The following ACOXL variants were observed in gnomAD, a reference collection of about 807,000 sequenced individuals.
ACOXL encodes the protein acyl-CoA oxidase like.
A neutral mutation model predicts 71.9 loss-of-function variants in ACOXL; 70 were observed. The observed-to-expected ratio is 0.97, with a 90% CI of 0.80 to 1.19. The LOEUF is 1.19. Ranked by LOEUF, ACOXL falls within the 50% of genes most tolerant of loss-of-function variation. The pLI, the probability that ACOXL is intolerant of heterozygous loss-of-function variation, is 0.00. For missense variants in ACOXL, 703 were observed against 736.3 expected (o/e 0.95, Z 0.52); for synonymous variants, 253 against 281.6 (o/e 0.90, Z 1.02).
intron 12 of ACOXL, among the ~76,000 whole-genome samples, chr2:110,936,735 C>T (rs2060677950): frequency 6.6e-6 from 1 of 152,292 alleles, no homozygotes; most frequent in East Asian, 1.9e-4. Context: ...GGCTGAGGTC[C>T]AGAAGGGTTC....
intron 12 of ACOXL, among the ~76,000 whole-genome samples, chr2:110,935,676 G>A (rs752807914): frequency 5.3e-5 from 8 of 152,210 alleles, no homozygotes; most frequent in Non-Finnish European, 7.3e-5. Context: ...GGCCCTAAAA[G>A]GCAAATGCTG....
intron 5 of ACOXL, among the ~76,000 whole-genome samples, chr2:110,798,053 A>G (rs58796451): frequency 0.014 from 2,206 of 152,300 alleles, 64 homozygotes; most frequent in African/African-American, 0.051. Context: ...TTTCTGGATC[A>G]GATTATTCCT....
At chr2:110,998,337 C>T (rs182225692) in intron 14 of ACOXL, among the ~76,000 whole-genome samples, 1 of 152,272 alleles carries the variant, frequency 6.6e-6, no homozygotes, top group African/African-American at 2.4e-5. Flanking sequence ...ATCACTGCAG[C>T]AGACAAAGCA....
intron 17 of ACOXL, among the ~76,000 whole-genome samples, chr2:111,109,287 T>C (rs1428547216): frequency 6.6e-6 from 1 of 152,250 alleles, no homozygotes; most frequent in African/African-American, 2.4e-5. Context: ...TTGTCAGGAA[T>C]ATTTTTGTGG....
intron 12 of ACOXL, among the ~76,000 whole-genome samples, chr2:110,971,316 G>A (rs888754993): frequency 3.9e-5 from 6 of 152,166 alleles, no homozygotes; most frequent in Admixed American, 6.5e-5. Context: ...TTAATAACAC[G>A]AAAATTGAAT....
intron 1 of ACOXL, among the ~76,000 whole-genome samples, chr2:110,762,083 T>C (rs1441065716): frequency 6.6e-6 from 1 of 152,188 alleles, no homozygotes; most frequent in Non-Finnish European, 1.5e-5. Flanking sequence ...CCTTTTATAA[T>C]TATAATATCT....
rs980390379 is a variant in ACOXL at position 111,044,541 on chromosome 2, C to T, written c.1370-4677C>T. On this transcript the variant is annotated intron_variant, in intron 15 of 17. Transcript: ENST00000439055. ...AACATTCTGAGACGGGATTTCTGAG[C>T]ACTGAAGCCCCAGGTGCAGGTTATA... Among the ~76,000 whole-genome samples, 4 of 152,194 alleles carry T rather than the reference C, an allele frequency of 2.6e-5. 1 individual carries two copies. The highest frequency in any genetic ancestry group is 1.3e-4 in the Admixed American group (2 of 15,278).
rs565793388 is a variant in ACOXL, at chr2:110,919,836, T to C, written c.905+10931T>C. Among the ~76,000 whole-genome samples, 150 of 152,326 alleles carry C rather than the reference T, an allele frequency of 9.8e-4. 1 individual carries two copies. Among genetic ancestry groups the C allele is most frequent in the African/African-American group, 3.5e-3 (147 of 41,562 alleles). On this transcript the variant is annotated intron_variant, in intron 11 of 17. Coordinates refer to ENST00000439055, the MANE Select transcript of ACOXL (RefSeq NM_001142807.4). The stretch of plus-strand genomic sequence containing the variant: ...ATGTAGTCTTTTGGATATACCTTCT[T>C]TCACTTAACAAAATGAATTTCAGAT...
At chr2:111,064,405 C>A (rs1177683198) in intron 16 of ACOXL, among the ~76,000 whole-genome samples, 2 of 133,278 alleles carry the variant, frequency 1.5e-5, no homozygotes, top group Admixed American at 8.8e-5. Flanking sequence ...CACTGCAGCC[C>A]GGACTGGGCG....
intron 11 of ACOXL, among the ~76,000 whole-genome samples, chr2:110,924,069 G>A (rs1281473774): frequency 6.6e-6 from 1 of 152,128 alleles, no homozygotes; most frequent in Non-Finnish European, 1.5e-5. Context: ...TTGTTTCCCA[G>A]TGTGTATAAA....
intron 1 of ACOXL, among the ~76,000 whole-genome samples, chr2:110,764,844 TC>T (rs1187325681): frequency 2.0e-5 from 3 of 152,212 alleles, no homozygotes; most frequent in Admixed American, 6.5e-5. Context: ...TAATAAGTAA[TC>T]TAGTCTACTA....
At chr2:110,909,053 A>G in intron 11 of ACOXL, 148 bp downstream of exon 11, 1 of 581,580 alleles carries the variant, frequency 1.7e-6, no homozygotes, top group East Asian at 3.1e-5. Flanking sequence ...GGTTAAAAGC[A>G]TCCTTGGATG....
chr2:110,761,986 AT>A (rs1297986541), intron 1 of ACOXL, among the ~76,000 whole-genome samples: 3 of 151,944 alleles, frequency 2.0e-5, no homozygotes, highest in Non-Finnish European at 4.4e-5. Flanking sequence ...ACATCTTGTG[AT>A]TTATCAGTTT....
chr2:110,950,331 G>A (rs2061280540), intron 12 of ACOXL, among the ~76,000 whole-genome samples: 1 of 152,278 alleles, frequency 6.6e-6, no homozygotes, highest in South Asian at 2.1e-4. Context: ...AAAGTAGCCA[G>A]CAGTAAAACT....
At chr2:110,937,618 A>G (rs569998234) in intron 12 of ACOXL, among the ~76,000 whole-genome samples, 1 of 152,344 alleles carries the variant, frequency 6.6e-6, no homozygotes, top group South Asian at 2.1e-4. Flanking sequence ...GCTCATATGC[A>G]TACATGCTGC....
intron 12 of ACOXL, among the ~76,000 whole-genome samples, chr2:110,982,976 T>G (rs775402225): frequency 4.6e-5 from 7 of 152,178 alleles, no homozygotes; most frequent in Non-Finnish European, 7.3e-5. Flanking sequence ...GGCCCCAAAT[T>G]ATGTAGCCAG....
intron 8 of ACOXL, among the ~76,000 whole-genome samples, chr2:110,804,906 G>A (rs944610019): frequency 3.9e-5 from 6 of 152,218 alleles, no homozygotes; most frequent in African/African-American, 1.4e-4. Flanking sequence ...ATAGGATCAT[G>A]GTGATGGTTG....
In ACOXL at chr2:110,972,402, C is replaced by T. The variant is rs151255495; in HGVS notation, c.1060-14706C>T. Among the ~76,000 whole-genome samples, 17 of 152,248 alleles carry T rather than the reference C, an allele frequency of 1.1e-4. No individual in the cohort carries two copies. The East Asian group carries it at 2.9e-3, about 26-fold the overall frequency. ...ATTTGCTAGACAGATATCTTCCAGA[C>T]ACATACTGGAAAAATGCTACCTCAA... is the stretch of plus-strand genomic sequence containing the variant. On this transcript the variant is annotated intron_variant, in intron 12 of 17. Transcript: ENST00000439055.
chr2:110,831,975 G>GA (rs892883917), intron 9 of ACOXL, among the ~76,000 whole-genome samples: 12 of 150,142 alleles, frequency 8.0e-5, no homozygotes, highest in African/African-American at 2.4e-4. Context: ...AAAACTTTTA[G>GA]AAAAAAAAAT....
Sources: gnomAD v4.1 joint callset for allele counts (sites outside exome capture counted in the v4.1 genomes callset) on GRCh38, gnomAD v4.1.1 for gene constraint, MANE v1.5 for transcripts, NCBI Gene and HGNC (gene_info 2026-07-23, HGNC 2026-07-21) for gene names.